TAF3: variants seen among roughly 807,000 people sequenced by gnomAD.
The protein encoded by TAF3 is TATA-box binding protein associated factor 3.
A neutral mutation model predicts 80.6 loss-of-function variants in TAF3; 7 were observed. That is an observed-to-expected ratio of 0.09 (90% CI 0.05 to 0.16). TAF3 has a LOEUF of 0.16. Among genes scored for constraint, TAF3 ranks in the 10% least tolerant of loss-of-function variants. The pLI, the probability that TAF3 is intolerant of heterozygous loss-of-function variation, is 1.00. For synonymous variants in TAF3, 444 were observed against 446.1 expected (o/e 1.00, Z 0.06); for missense variants, 921 against 1,140.2 (o/e 0.81, Z 2.77).
At chr10:7,834,236 A>G (rs887145150) in intron 2 of TAF3, among the ~76,000 whole-genome samples, 2 of 151,914 alleles carry the variant, frequency 1.3e-5, no homozygotes, top group African/African-American at 4.8e-5. Context: ...TGCTTTTGTC[A>G]CCCTGCGCTT....
intron 2 of TAF3, among the ~76,000 whole-genome samples, chr10:7,866,200 TC>T (rs1837213293): frequency 6.6e-6 from 1 of 152,210 alleles, no homozygotes; most frequent in African/African-American, 2.4e-5. Context: ...TTCCCTTCTT[TC>T]AGCACATGTC....
Position 7,818,708 on chromosome 10 carries a change from G to A in TAF3, c.-2G>A. ...GGGCTGCGGTGGCGTCCACGCAGCG[G>A]GATGTGCGAGAGTTACTCCAGGTCG... On this transcript the variant is annotated 5_prime_UTR_variant, in exon 1 of 7. Transcript: ENST00000344293. The A allele has an allele frequency of 6.2e-7, 1 of 1,604,124 alleles. No homozygotes were observed. Among genetic ancestry groups the A allele is most frequent in the Non-Finnish European group, 8.5e-7 (1 of 1,176,632 alleles).
intron 2 of TAF3, among the ~76,000 whole-genome samples, chr10:7,880,708 T>C (rs1837353415): frequency 6.6e-6 from 1 of 152,204 alleles, no homozygotes; most frequent in Admixed American, 6.5e-5. Context: ...GGTGGATTTT[T>C]TTTTAGTAGT....
At chr10:7,821,398 G>A (rs189043985) in intron 1 of TAF3, among the ~76,000 whole-genome samples, 328 of 151,944 alleles carry the variant, frequency 2.2e-3, no homozygotes, top group Non-Finnish European at 3.2e-3. Context: ...CATCACTTAC[G>A]AACCAACCCC....
At chr10:7,980,009 G>A (rs997464513) in intron 4 of TAF3, among the ~76,000 whole-genome samples, 4 of 152,136 alleles carry the variant, frequency 2.6e-5, no homozygotes, top group Admixed American at 6.6e-5. Flanking sequence ...GTGATCCTCC[G>A]TGGTTGTAGC....
intron 2 of TAF3, among the ~76,000 whole-genome samples, chr10:7,863,716 T>TAC (rs1396814644): frequency 1.2e-5 from 1 of 83,394 alleles, no homozygotes; most frequent in Non-Finnish European, 2.4e-5. Flanking sequence ...CACATATATA[T>TAC]ATACACATAT....
intron 2 of TAF3, among the ~76,000 whole-genome samples, chr10:7,922,715 A>T (rs1837775820): frequency 6.6e-6 from 1 of 152,068 alleles, no homozygotes; most frequent in Non-Finnish European, 1.5e-5. Context: ...TTGGTGTTTC[A>T]TAACTAACTG....
At chr10:7,842,415 C>T (rs1050552169) in intron 2 of TAF3, among the ~76,000 whole-genome samples, 1 of 151,998 alleles carries the variant, frequency 6.6e-6, no homozygotes, top group African/African-American at 2.4e-5. Context: ...CAGCGTTGGC[C>T]TCCCAAAGTG....
intron 2 of TAF3, among the ~76,000 whole-genome samples, chr10:7,843,546 C>G (rs1174635823): frequency 1.3e-5 from 2 of 151,882 alleles, no homozygotes; most frequent in African/African-American, 4.8e-5. Flanking sequence ...ATTTAAAATA[C>G]TACTTAAATG....
chr10:7,868,728 C>A (rs1431947422), intron 2 of TAF3, among the ~76,000 whole-genome samples: 1 of 152,136 alleles, frequency 6.6e-6, no homozygotes, highest in Non-Finnish European at 1.5e-5. Flanking sequence ...TATAAAGATC[C>A]TAGTGCCATG....
intron 2 of TAF3, among the ~76,000 whole-genome samples, chr10:7,881,914 T>C (rs1395271050): frequency 1.3e-5 from 2 of 152,224 alleles, no homozygotes; most frequent in Non-Finnish European, 2.9e-5. Context: ...CCAGAGACTT[T>C]ATATGTTGGT....
Position 7,984,398 on chromosome 10 carries a change from T to A in TAF3, c.2315+7075T>A, listed in dbSNP as rs547007201. ...AATCAAAGCATTTCCATCTTACTTGTAAACAATTACAGCAGTTCTTACATA... is the reference window on the plus strand; with the variant it reads ...AATCAAAGCATTTCCATCTTACTTGAAAACAATTACAGCAGTTCTTACATA... On this transcript the variant is annotated intron_variant, in intron 4 of 6. Transcript: ENST00000344293. Among the ~76,000 whole-genome samples the A allele has an allele frequency of 3.3e-5, 5 of 152,330 alleles. No individual in the cohort carries two copies. The East Asian group carries it at 9.6e-4, about 29-fold the overall frequency.
chr10:7,861,961 C>T (rs1837152678), intron 2 of TAF3, among the ~76,000 whole-genome samples: 1 of 152,182 alleles, frequency 6.6e-6, no homozygotes, highest in African/African-American at 2.4e-5. Flanking sequence ...TCCATAGAGT[C>T]ACTGATGTTC....
intron 2 of TAF3, among the ~76,000 whole-genome samples, chr10:7,869,251 G>C (rs1043512013): frequency 6.6e-6 from 1 of 151,406 alleles, no homozygotes; most frequent in African/African-American, 2.4e-5. Flanking sequence ...TCTACCGTGT[G>C]TGTGTGTGTC....
chr10:7,897,108 G>T (rs1663067347), intron 2 of TAF3, among the ~76,000 whole-genome samples: 1 of 152,144 alleles, frequency 6.6e-6, no homozygotes, highest in Non-Finnish European at 1.5e-5. Context: ...CTACCAGCCA[G>T]GGAAGACTCT....
chr10:7,905,267 A>G (rs1837596484), intron 2 of TAF3, among the ~76,000 whole-genome samples: 2 of 152,194 alleles, frequency 1.3e-5, no homozygotes, highest in African/African-American at 4.8e-5. Context: ...CAGAAGAGTG[A>G]CACGCGCTGC....
intron 2 of TAF3, among the ~76,000 whole-genome samples, chr10:7,894,345 G>A (rs1213102235): frequency 2.6e-5 from 4 of 152,188 alleles, no homozygotes; most frequent in African/African-American, 9.6e-5. Flanking sequence ...AGGTAGACAA[G>A]TATTATACAG....
chr10:7,892,907 C>T (rs1339819975), intron 2 of TAF3, among the ~76,000 whole-genome samples: 2 of 150,732 alleles, frequency 1.3e-5, no homozygotes, highest in African/African-American at 4.9e-5. Flanking sequence ...GCAACCTCTG[C>T]CTTCTGGGTT....
At chr10:7,995,417 TA>T (rs1244131336) in intron 4 of TAF3, among the ~76,000 whole-genome samples, 1 of 152,240 alleles carries the variant, frequency 6.6e-6, no homozygotes, top group African/African-American at 2.4e-5. Context: ...ATGACCTTTA[TA>T]CTCCTTATTC....
Sources: allele counts gnomAD v4.1 joint callset (sites outside exome capture counted in the v4.1 genomes callset), GRCh38; gene constraint gnomAD v4.1.1; transcripts MANE v1.5; gene names NCBI Gene and HGNC (gene_info 2026-07-23, HGNC 2026-07-21).